The following TMEM181 variants were observed in gnomAD, a reference collection of about 807,000 sequenced individuals.
TMEM181 encodes the protein transmembrane protein 181, also known as G protein-coupled receptor 178.
Under a neutral mutation model 71.9 loss-of-function variants are expected in TMEM181, and 39 were observed. The observed-to-expected ratio is 0.54, with a 90% CI of 0.42 to 0.71. The LOEUF is 0.71. TMEM181 is among the 30% of genes least tolerant of loss of function. TMEM181 has a pLI of 0.00. For synonymous variants in TMEM181, 245 were observed against 228.8 expected (o/e 1.07, Z -0.64); for missense variants, 595 against 583.0 (o/e 1.02, Z -0.21).
intron 6 of TMEM181, among the ~76,000 whole-genome samples, chr6:158,599,999 G>A (rs1583011843): frequency 1.3e-5 from 2 of 152,160 alleles, no homozygotes; most frequent in African/African-American, 2.4e-5. Context: ...AAGGAAGCCC[G>A]GATGGAGTGT....
intron 1 of TMEM181, among the ~76,000 whole-genome samples, chr6:158,562,860 C>G (rs528709945): frequency 3.3e-5 from 5 of 152,210 alleles, no homozygotes; most frequent in African/African-American, 1.2e-4. Context: ...GGAATCCTCA[C>G]TATCACCTTT....
At chr6:158,630,444 AT>A (rs1202061194) in intron 15 of TMEM181, among the ~76,000 whole-genome samples, 1 of 152,054 alleles carries the variant, frequency 6.6e-6, no homozygotes, top group Non-Finnish European at 1.5e-5. Context: ...GCAGTGAGCT[AT>A]GACACCACTA....
intron 10 of TMEM181, chr6:158,611,630 C>T (rs532997560): frequency 3.6e-5 from 12 of 334,218 alleles, no homozygotes; most frequent in African/African-American, 1.1e-4. Context: ...TTCCCCCTGA[C>T]GAAAGGACTC....
At chr6:158,623,729 C>T (rs1391133957) in intron 11 of TMEM181, 122 bp downstream of exon 11, 1 of 618,018 alleles carries the variant, frequency 1.6e-6, no homozygotes, top group Non-Finnish European at 2.7e-6. Flanking sequence ...GGAAGGACTA[C>T]ATAGAAAGTT....
intron 10 of TMEM181, among the ~76,000 whole-genome samples, chr6:158,623,229 G>A (rs1458478631): frequency 6.6e-6 from 1 of 151,974 alleles, no homozygotes; most frequent in Non-Finnish European, 1.5e-5. Context: ...GTACTCATAC[G>A]TGCCATTAAA....
intron 6 of TMEM181, among the ~76,000 whole-genome samples, chr6:158,599,192 C>G (rs1251350861): frequency 1.3e-5 from 2 of 152,210 alleles, no homozygotes; most frequent in African/African-American, 4.8e-5. Flanking sequence ...GTTAAAGTCA[C>G]TTATTTCGTG....
chr6:158,582,503 A>G (rs142363083), intron 3 of TMEM181, among the ~76,000 whole-genome samples: 494 of 152,230 alleles, frequency 3.2e-3, no homozygotes, highest in African/African-American at 0.011. Flanking sequence ...TGTCTCTACA[A>G]CAAATTTAAA....
chr6:158,564,069 C>T (rs1206601093), intron 1 of TMEM181, among the ~76,000 whole-genome samples: 4 of 152,200 alleles, frequency 2.6e-5, no homozygotes, highest in Admixed American at 6.5e-5. Flanking sequence ...TGAGCCACTG[C>T]GCCTGGCTTG....
chr6:158,603,056 G>A (rs1157873089), intron 6 of TMEM181, among the ~76,000 whole-genome samples: 2 of 151,874 alleles, frequency 1.3e-5, no homozygotes, highest in East Asian at 1.9e-4. Context: ...ACTTTTCCTC[G>A]TTTCTTGTGC....
intron 10 of TMEM181, among the ~76,000 whole-genome samples, chr6:158,617,560 T>C (rs552843341): frequency 6.6e-6 from 1 of 152,358 alleles, no homozygotes; most frequent in African/African-American, 2.4e-5. Context: ...GTTCTTTTAA[T>C]GGTGATGTTA....
At chr6:158,582,665 TAAAAA>T (rs1010040172) in intron 3 of TMEM181, among the ~76,000 whole-genome samples, 1 of 151,386 alleles carries the variant, frequency 6.6e-6, no homozygotes, top group African/African-American at 2.4e-5. Context: ...GACCCTGTCT[TAAAAA>T]AGAAAAAAAA....
intron 2 of TMEM181, among the ~76,000 whole-genome samples, chr6:158,574,089 A>AGCC (rs59162451): frequency 0.39 from 59,804 of 151,812 alleles, 12,146 homozygotes; most frequent in Middle Eastern, 0.52. Flanking sequence ...GGCAACCAGG[A>AGCC]GCCTGACTTG....
At position 158,599,338 on chromosome 6, in the gene TMEM181, A is replaced by G. The variant is rs563048221; in HGVS notation, c.493-5929A>G. ...GGGTATGGTGTGGGCACTTGTTCCA[A>G]AGGTAACTTCGTGGTGTCACAGGGC... On this transcript the variant is annotated intron_variant, in intron 6 of 16. Coordinates refer to ENST00000684151, the MANE Select transcript of TMEM181 (RefSeq NM_001376852.1). 1.2e-3 allele frequency among the ~76,000 whole-genome samples: 188 copies of G among 152,196 alleles called. 2 individuals are homozygous for G. Among genetic ancestry groups the G allele is most frequent in the African/African-American group, 4.2e-3 (175 of 41,534 alleles).
chr6:158,596,197 G>C lies in TMEM181; in HGVS notation c.492+6415G>C, dbSNP rs1036556043. Among the ~76,000 whole-genome samples the C allele has an allele frequency of 2.6e-5, 4 of 152,210 alleles. No individual in the cohort carries two copies. In the East Asian group the frequency reaches 7.7e-4, roughly 29 times the overall value. On this transcript the variant is annotated intron_variant, in intron 6 of 16. Transcript: ENST00000684151. ...GTCTCCCAAAGTGCTGGGATTACCA[G>C]TGTGAGCCACTGCGCCTGGCCCAAT...
chr6:158,553,005 G>GGT (rs1781765402), intron 1 of TMEM181, among the ~76,000 whole-genome samples: 1 of 151,978 alleles, frequency 6.6e-6, no homozygotes, highest in African/African-American at 2.4e-5. Flanking sequence ...TGGGCAACAT[G>GGT]GTGAGACCCC....
At position 158,620,465 on chromosome 6, in the gene TMEM181, G is replaced by A. The variant is rs1785891018; in HGVS notation, c.897-3085G>A. ...GGATGTTCCAGTTGGAATCACCAAA[G>A]GGCTTCCCGAACCGGCATGCGTGAG... On this transcript the variant is annotated intron_variant, in intron 10 of 16. Transcript: ENST00000684151. The surrounding 1 kb of genome is among the most constrained non-coding windows in gnomAD (Gnocchi z 4.5). 6.6e-6 allele frequency among the ~76,000 whole-genome samples: 1 copy of A among 152,164 alleles called. No individual in the cohort carries two copies. The highest frequency in any genetic ancestry group is 6.5e-5 in the Admixed American group (1 of 15,274).
At chr6:158,551,400 A>G (rs973701949) in intron 1 of TMEM181, among the ~76,000 whole-genome samples, 3 of 152,194 alleles carry the variant, frequency 2.0e-5, no homozygotes, top group Admixed American at 1.3e-4. Flanking sequence ...TGTGTTCAAG[A>G]GTACTTGTTA....
rs1785111999 is a variant in TMEM181, at chr6:158,608,713, T to C, written c.859T>C (p.Leu287=). ...GCCTAAATTCTTCATTGTTGGACTA[T>C]TGTGGTTGGCTTCTGTTACGCTAGG... is the stretch of plus-strand genomic sequence containing the variant. ...YLPKFFIVGL[L]WLASVTLGIW... is the part of the protein sequence containing the mutation. The change falls in exon 10 of 17, where the codon TTG becomes CTG. Residue 287 remains leucine, a synonymous_variant. Coordinates refer to ENST00000684151, the MANE Select transcript of TMEM181 (RefSeq NM_001376852.1). 6.2e-7 allele frequency: 1 copy of C among 1,613,506 alleles called. No individual in the cohort carries two copies. The highest frequency in any genetic ancestry group is 8.5e-7 in the Non-Finnish European group (1 of 1,179,916).
At position 158,560,239 on chromosome 6, in the gene TMEM181, C is replaced by T. The variant is rs1032405212; in HGVS notation, c.8+7C>T. Reference sequence around the variant, plus strand: ...TGGGCGCCGAGATGGAGCCGTGAGTCCCCGGCCGAGCGGGCGGGCTGGCTG... The same window carrying T: ...TGGGCGCCGAGATGGAGCCGTGAGTTCCCGGCCGAGCGGGCGGGCTGGCTG... On this transcript the variant is annotated splice_region_variant and intron_variant, in intron 1 of 16. Transcript: ENST00000684151. The T allele has an allele frequency of 2.0e-6, 2 of 984,852 alleles. No homozygotes were observed. The highest frequency in any genetic ancestry group is 1.8e-5 in the African/African-American group (1 of 57,138). 61.0% of individuals were successfully genotyped at this position (984,852 alleles called of 1,614,324 possible).
Sources: gnomAD v4.1 joint callset for allele counts (sites outside exome capture counted in the v4.1 genomes callset) on GRCh38, gnomAD v4.1.1 for gene constraint, Gnocchi (gnomAD v3.1) non-coding constraint, MANE v1.5 for transcripts, NCBI Gene and HGNC (gene_info 2026-07-23, HGNC 2026-07-21) for gene names.